SIPA1L1: variants seen among roughly 807,000 people sequenced by gnomAD.
SIPA1L1 encodes signal-induced proliferation-associated 1-like protein 1.
Under a neutral mutation model 162.7 loss-of-function variants are expected in SIPA1L1, and 26 were observed. That is an observed-to-expected ratio of 0.16 (90% CI 0.12 to 0.22). SIPA1L1 has a LOEUF of 0.22. SIPA1L1 is among the 10% of genes least tolerant of loss of function. SIPA1L1 has a pLI of 1.00. For synonymous variants in SIPA1L1, 829 were observed against 837.4 expected (o/e 0.99, Z 0.17); for missense variants, 1,874 against 2,241.0 (o/e 0.84, Z 3.31).
chr14:71,634,856 T>C (rs1596540199), intron 7 of SIPA1L1, among the ~76,000 whole-genome samples: 2 of 149,762 alleles, frequency 1.3e-5, no homozygotes, highest in Admixed American at 1.3e-4. Flanking sequence ...GAATGGTGGG[T>C]ACCTGGGAGG....
chr14:71,552,790 G>T (rs957610729), intron 4 of SIPA1L1, among the ~76,000 whole-genome samples: 3 of 152,102 alleles, frequency 2.0e-5, no homozygotes, highest in Non-Finnish European at 2.9e-5. Flanking sequence ...GGGGACTACC[G>T]AGTGCCTTGG....
chr14:71,661,627 T>C (rs2043521933), intron 10 of SIPA1L1, among the ~76,000 whole-genome samples, 160 bp downstream of exon 10: 1 of 152,224 alleles, frequency 6.6e-6, no homozygotes, highest in Non-Finnish European at 1.5e-5. Flanking sequence ...CATGATGATG[T>C]AATCTGGTGG....
chr14:71,650,565 T>C, intron 8 of SIPA1L1, 56 bp downstream of exon 8: 1 of 1,517,806 alleles, frequency 6.6e-7, no homozygotes, highest in African/African-American at 1.4e-5. Context: ...TGTGCTGTTG[T>C]GCATCTGCTA....
chr14:71,677,007 G>A (rs117795213), intron 12 of SIPA1L1, among the ~76,000 whole-genome samples: 216 of 152,100 alleles, frequency 1.4e-3, no homozygotes, highest in Non-Finnish European at 2.5e-3. Context: ...GGGATGTCTG[G>A]GAAATGGTAT....
intron 7 of SIPA1L1, among the ~76,000 whole-genome samples, chr14:71,636,116 A>T (rs2041121822): frequency 1.3e-5 from 2 of 152,216 alleles, no homozygotes; most frequent in Non-Finnish European, 2.9e-5. Flanking sequence ...ATAGTTGGTG[A>T]TTTTAACATC....
intron 2 of SIPA1L1, among the ~76,000 whole-genome samples, chr14:71,332,320 C>A (rs1354863394): frequency 6.6e-6 from 1 of 152,152 alleles, no homozygotes; most frequent in East Asian, 1.9e-4. Flanking sequence ...TGATACTCTT[C>A]TAGTGACTTA....
chr14:71,353,117 TACC>T (rs1323492627), intron 2 of SIPA1L1, among the ~76,000 whole-genome samples: 4 of 152,252 alleles, frequency 2.6e-5, no homozygotes, highest in Non-Finnish European at 5.9e-5. Flanking sequence ...AATGACTAAA[TACC>T]ACATTCATTA....
In SIPA1L1 at chr14:71,588,559, C is replaced by T. The variant is rs2034880119; in HGVS notation, c.687C>T (p.Tyr229=). Residue 229 remains tyrosine (Y), a synonymous_variant, in exon 5 of 24, where the codon TAC becomes TAT. Transcript: ENST00000381232. This position sits in a 1 kb window ranked among gnomAD's most constrained non-coding sequence, Gnocchi z 4.3. The part of the protein sequence containing the change: ...GESFFDLLKG[Y]KDDKSDRGPT... The stretch of plus-strand genomic sequence containing the variant: ...GCTTTTTTGATTTGTTAAAGGGCTA[C>T]AAAGATGACAAATCTGATCGAGGTC... 4 of 1,614,052 alleles carry T rather than the reference C, an allele frequency of 2.5e-6. No individual in the cohort carries two copies. The highest frequency in any genetic ancestry group is 1.7e-6 in the Non-Finnish European group (2 of 1,179,970).
intron 11 of SIPA1L1, among the ~76,000 whole-genome samples, 173 bp from the exon 12 acceptor site, chr14:71,672,175 A>T (rs1263027014): frequency 6.6e-6 from 1 of 152,156 alleles, no homozygotes; most frequent in Non-Finnish European, 1.5e-5. Flanking sequence ...CAACAAGTAT[A>T]TTCCTTTTGG....
At chr14:71,467,918 G>T (rs1045613836) in intron 2 of SIPA1L1, among the ~76,000 whole-genome samples, 1 of 151,606 alleles carries the variant, frequency 6.6e-6, no homozygotes, top group Non-Finnish European at 1.5e-5. Context: ...GTGATCTTGG[G>T]AAAGTATATA....
intron 2 of SIPA1L1, among the ~76,000 whole-genome samples, chr14:71,457,356 G>A (rs1213914491): frequency 2.0e-5 from 3 of 151,116 alleles, no homozygotes; most frequent in Non-Finnish European, 2.9e-5. Flanking sequence ...CTGGAGTGCA[G>A]TGGCATGATA....
intron 2 of SIPA1L1, among the ~76,000 whole-genome samples, chr14:71,448,401 AAACTGAGGCCCAGAGAGGTTAAGC>A (rs1402067753): frequency 2.0e-5 from 3 of 152,202 alleles, no homozygotes; most frequent in African/African-American, 7.2e-5. Flanking sequence ...AGAGCTGAAG[AAACTGAGGCCCAGAGAGGTTAAGC>A]AACTTGCCCA....
At position 71,723,749 on chromosome 14, in the gene SIPA1L1, A is replaced by G. The variant is rs753132104; in HGVS notation, c.4311A>G (p.Pro1437=). The G allele has an allele frequency of 1.1e-5, 17 of 1,614,074 alleles. No homozygotes were observed. The highest frequency in any genetic ancestry group is 1.4e-5 in the Non-Finnish European group (17 of 1,180,004). The part of the protein sequence containing the change: ...LHPAAPSQLA[P]SFSSSSSSSS... ...CAGCTGCCCCCTCACAGCTCGCACC[A>G]TCCTTCTCCTCCTCTTCCTCCTCCT... is the stretch of plus-strand genomic sequence containing the variant. The change falls in exon 18 of 24, where the codon CCA becomes CCG. Residue 1437 remains proline, a synonymous_variant. Coordinates refer to ENST00000381232, the MANE Select transcript of SIPA1L1 (RefSeq NM_001386936.1).
chr14:71,502,176 C>G (rs1276372882), intron 2 of SIPA1L1, among the ~76,000 whole-genome samples: 1 of 141,118 alleles, frequency 7.1e-6, no homozygotes, highest in Non-Finnish European at 1.5e-5. Context: ...ACCATTTTAC[C>G]TTCATGGACT....
chr14:71,578,451 G>T (rs936886501), intron 4 of SIPA1L1, among the ~76,000 whole-genome samples: 1 of 152,092 alleles, frequency 6.6e-6, no homozygotes, highest in African/African-American at 2.4e-5. Flanking sequence ...AGCGATTGTG[G>T]CACCAAAACT....
intron 5 of SIPA1L1, among the ~76,000 whole-genome samples, chr14:71,590,154 T>G (rs527861224): frequency 4.6e-5 from 7 of 150,820 alleles, no homozygotes; most frequent in African/African-American, 1.7e-4. Flanking sequence ...TCTCATACTT[T>G]TAAGAAAGAC....
At chr14:71,704,914 A>G in intron 15 of SIPA1L1, 4 of 691,274 alleles carry the variant, frequency 5.8e-6, no homozygotes, top group Middle Eastern at 4.9e-4. Flanking sequence ...CATATAATCT[A>G]AATTTTTCCC....
intron 5 of SIPA1L1, among the ~76,000 whole-genome samples, chr14:71,596,520 T>A (rs36055053): frequency 6.6e-6 from 1 of 152,072 alleles, no homozygotes; most frequent in Admixed American, 6.5e-5. Context: ...AGTACCTTCA[T>A]TTTTTTTAAA....
chr14:71,671,195 A>C lies in SIPA1L1; in HGVS notation c.2332A>C (p.Asn778His), dbSNP rs183334621. 6.2e-7 allele frequency: 1 copy of C among 1,614,172 alleles called. No homozygotes were observed. Among genetic ancestry groups the C allele is most frequent in the South Asian group, 1.1e-5 (1 of 91,080 alleles). The change falls in exon 11 of 24, where the codon AAT (asparagine) becomes CAT (histidine). Residue 778 changes from asparagine (N) to histidine (H), a missense_variant. Physicochemically the swap from Asn to His is moderately conservative, Grantham distance 68 (BLOSUM62 1). Coordinates refer to ENST00000381232, the MANE Select transcript of SIPA1L1 (RefSeq NM_001386936.1). ...TAAAGGGGTCACTTTCCCTAAGTCA[A>C]ATGTGTTCAGGGACTTCCTTTTGGC... ...IPKGVTFPKSNVFRDFLLAKV... is the reference protein window; with the variant it reads ...IPKGVTFPKSHVFRDFLLAKV...
Sources: allele counts gnomAD v4.1 joint callset (sites outside exome capture counted in the v4.1 genomes callset), GRCh38; gene constraint gnomAD v4.1.1; non-coding constraint Gnocchi (gnomAD v3.1); transcripts MANE v1.5; gene names NCBI Gene and HGNC (gene_info 2026-07-23, HGNC 2026-07-21).